KCNIP1: variants seen among roughly 807,000 people sequenced by gnomAD.
KCNIP1 encodes potassium voltage-gated channel interacting protein 1.
A neutral mutation model predicts 33.0 loss-of-function variants in KCNIP1; 18 were observed. The ratio of observed to expected loss-of-function variants is 0.55; its 90% confidence interval spans 0.38 to 0.81. KCNIP1 has a LOEUF of 0.81. Among genes scored for constraint, KCNIP1 ranks in the 30% least tolerant of loss-of-function variants. The pLI is 0.00. For missense variants in KCNIP1, 238 were observed against 271.6 expected, an observed-to-expected ratio of 0.88 and a Z score of 0.87; for synonymous variants, 93 against 98.3, an observed-to-expected ratio of 0.95 and a Z score of 0.32.
At chr5:170,466,099 A>G (rs891435498) in intron 1 of KCNIP1, among the ~76,000 whole-genome samples, 5 of 152,220 alleles carry the variant, frequency 3.3e-5, no homozygotes, top group Non-Finnish European at 7.3e-5. Context: ...GCTCAAATTG[A>G]GAAGAAGACA....
At chr5:170,585,156 A>G (rs1757941220) in intron 1 of KCNIP1, among the ~76,000 whole-genome samples, 1 of 146,918 alleles carries the variant, frequency 6.8e-6, no homozygotes, top group African/African-American at 2.6e-5. Context: ...AAAGAAAAAA[A>G]AGAAAAAAAA....
At chr5:170,682,784 C>CTTTTTT (rs70979196) in intron 1 of KCNIP1, among the ~76,000 whole-genome samples, 1,074 of 71,342 alleles carry the variant, frequency 0.015, 155 homozygotes, top group African/African-American at 0.031. Context: ...TTCTTTGTTT[C>CTTTTTT]TTTTTTTTTT....
chr5:170,583,189 C>G (rs1757862426), intron 1 of KCNIP1, among the ~76,000 whole-genome samples: 1 of 152,194 alleles, frequency 6.6e-6, no homozygotes. Flanking sequence ...CAGCGCCCTG[C>G]CTGTTTTTCA....
chr5:170,660,371 T>TAA lies in KCNIP1; in HGVS notation c.62-58373_62-58372dup, dbSNP rs61001714. Among the ~76,000 whole-genome samples, 416 of 137,958 alleles carry TAA rather than the reference T, an allele frequency of 3.0e-3. 3 individuals carry two copies. The highest frequency in any genetic ancestry group is 5.6e-3 in the African/African-American group (220 of 39,444). 90.5% of individuals were successfully genotyped at this position (137,958 alleles called of 152,430 possible). A position where few individuals can be genotyped will look rare whatever the true frequency, so the allele number is the denominator to read the frequency against. On this transcript the variant is annotated intron_variant, in intron 1 of 7. Transcript: ENST00000328939. ...AATATTTAAAGGAGAATGATTTTTA[T>TAA]AAAAAAAAAAAAAAACATTCATTTG...
chr5:170,374,483 T>C (rs1435250877), intron 1 of KCNIP1, among the ~76,000 whole-genome samples: 1 of 152,174 alleles, frequency 6.6e-6, no homozygotes, highest in Non-Finnish European at 1.5e-5. Flanking sequence ...GACCTGGCAC[T>C]GTTAGGATGT....
chr5:170,542,484 C>T (rs1021178938), intron 1 of KCNIP1, among the ~76,000 whole-genome samples: 9 of 152,260 alleles, frequency 5.9e-5, no homozygotes, highest in Admixed American at 1.3e-4. Context: ...CGAGACTCAA[C>T]CCTGCATGGA....
intron 1 of KCNIP1, among the ~76,000 whole-genome samples, chr5:170,715,081 C>T (rs771526533): frequency 2.6e-5 from 4 of 152,182 alleles, no homozygotes; most frequent in South Asian, 2.1e-4. Context: ...TTTTTTACAC[C>T]TTAGTTTTAT....
chr5:170,392,197 C>T lies in KCNIP1; in HGVS notation c.88+38233C>T, dbSNP rs527765594. 4.7e-3 allele frequency among the ~76,000 whole-genome samples: 718 copies of T among 152,172 alleles called. 3 individuals are homozygous for T. The highest frequency in any genetic ancestry group is 8.5e-3 in the Non-Finnish European group (577 of 68,002). Reference sequence around the variant, plus strand: ...TCAGCCAACAGCTAGCAAATCTCACCGGGCATGGGAGAGAACAAGCCTGCA... The same window carrying T: ...TCAGCCAACAGCTAGCAAATCTCACTGGGCATGGGAGAGAACAAGCCTGCA... On this transcript the variant is annotated intron_variant, in intron 1 of 7. Transcript: ENST00000377360.
rs116487094 is a variant in KCNIP1, at chr5:170,551,471, C to G, written c.61+46838C>G. Among the ~76,000 whole-genome samples, 579 of 152,328 alleles carry G rather than the reference C, an allele frequency of 3.8e-3. 6 individuals carry two copies. Among genetic ancestry groups the G allele is most frequent in the African/African-American group, 0.013 (547 of 41,572 alleles). On this transcript the variant is annotated intron_variant, in intron 1 of 7. Coordinates refer to ENST00000328939, the MANE Select transcript of KCNIP1 (RefSeq NM_014592.4). ...GGAGTGACAGCTATGCAGACCAGAG[C>G]CCCCTTCTCCCAGGTTCTGTGTTGC...
chr5:170,692,967 G>T (rs979465810), intron 1 of KCNIP1, among the ~76,000 whole-genome samples: 1 of 152,264 alleles, frequency 6.6e-6, no homozygotes, highest in Non-Finnish European at 1.5e-5. Flanking sequence ...ATAGGTTTGA[G>T]ATGACTTTAG....
At chr5:170,691,269 C>T (rs1271211424) in intron 1 of KCNIP1, among the ~76,000 whole-genome samples, 1 of 152,148 alleles carries the variant, frequency 6.6e-6, no homozygotes, top group East Asian at 1.9e-4. Flanking sequence ...CCCATAGCTG[C>T]CACAGGCTAA....
intron 1 of KCNIP1, among the ~76,000 whole-genome samples, chr5:170,428,473 A>G (rs1290890543): frequency 6.6e-6 from 1 of 152,040 alleles, no homozygotes; most frequent in Non-Finnish European, 1.5e-5. Flanking sequence ...GAATTTAACA[A>G]CAAGGAACAT....
chr5:170,393,880 C>A (rs999611474), intron 1 of KCNIP1, among the ~76,000 whole-genome samples: 1 of 152,090 alleles, frequency 6.6e-6, no homozygotes, highest in African/African-American at 2.4e-5. Context: ...CTCTTTGAGA[C>A]AAAGAGGAGC....
chr5:170,562,400 C>T (rs1052153287), intron 1 of KCNIP1, among the ~76,000 whole-genome samples: 1 of 152,172 alleles, frequency 6.6e-6, no homozygotes, highest in Non-Finnish European at 1.5e-5. Context: ...CACGTGAGCT[C>T]TGTGAGGGCA....
At chr5:170,441,065 T>C (rs554838872) in intron 1 of KCNIP1, among the ~76,000 whole-genome samples, 4 of 152,318 alleles carry the variant, frequency 2.6e-5, no homozygotes, top group African/African-American at 7.2e-5. Flanking sequence ...CAGGCATGAA[T>C]TTTAGTCTCT....
chr5:170,605,770 C>CTT (rs766469605), intron 1 of KCNIP1, among the ~76,000 whole-genome samples: 1,075 of 102,272 alleles, frequency 0.011, 26 homozygotes, highest in African/African-American at 0.025. Flanking sequence ...CAACCCTGTT[C>CTT]TTTTTTTTTT....
chr5:170,603,622 G>A (rs1359889732), intron 1 of KCNIP1, among the ~76,000 whole-genome samples: 1 of 152,196 alleles, frequency 6.6e-6, no homozygotes, highest in East Asian at 1.9e-4. Context: ...GGAGGGATGG[G>A]AGGGTAGGGA....
At chr5:170,599,762 T>C (rs996494918) in intron 1 of KCNIP1, among the ~76,000 whole-genome samples, 4 of 152,234 alleles carry the variant, frequency 2.6e-5, no homozygotes, top group Admixed American at 2.6e-4. Context: ...TTCACCTGCA[T>C]ATCCTCTCCT....
At chr5:170,367,024 T>C (rs1763681432) in intron 1 of KCNIP1, among the ~76,000 whole-genome samples, 1 of 152,084 alleles carries the variant, frequency 6.6e-6, no homozygotes, top group Non-Finnish European at 1.5e-5. Context: ...ATTTTAGTTA[T>C]TTAAGAACGT....
Sources: gnomAD v4.1 joint callset for allele counts (sites outside exome capture counted in the v4.1 genomes callset) on GRCh38, gnomAD v4.1.1 for gene constraint, MANE v1.5 for transcripts, NCBI Gene and HGNC (gene_info 2026-07-23, HGNC 2026-07-21) for gene names.